FRMD4A: variants seen among roughly 807,000 people sequenced by gnomAD.
FRMD4A encodes the protein FERM domain-containing protein 4A.
Under a neutral mutation model 129.1 loss-of-function variants are expected in FRMD4A, and 29 were observed. The observed-to-expected ratio is 0.22, with a 90% CI of 0.17 to 0.31. The LOEUF is 0.31. Ranked by LOEUF, FRMD4A falls within the 10% of genes least tolerant of loss-of-function variation. The pLI, the probability that FRMD4A is intolerant of heterozygous loss-of-function variation, is 1.00. For missense variants in FRMD4A, 1,272 were observed against 1,375.8 expected, an observed-to-expected ratio of 0.92 and a Z score of 1.19; for synonymous variants, 634 against 571.6, an observed-to-expected ratio of 1.11 and a Z score of -1.56.
At chr10:13,934,915 G>T (rs1565069211) in intron 2 of FRMD4A, among the ~76,000 whole-genome samples, 2 of 152,138 alleles carry the variant, frequency 1.3e-5, no homozygotes, top group African/African-American at 4.8e-5. Context: ...AGATCAAGGT[G>T]CTGGTAGCTT....
intron 2 of FRMD4A, among the ~76,000 whole-genome samples, chr10:14,027,358 C>A (rs572234453): frequency 6.6e-6 from 1 of 152,096 alleles, no homozygotes; most frequent in Non-Finnish European, 1.5e-5. Flanking sequence ...ACAGTCAATG[C>A]GGCCGGGCAT....
chr10:13,868,957 A>C (rs969478764), intron 2 of FRMD4A, among the ~76,000 whole-genome samples: 1 of 152,208 alleles, frequency 6.6e-6, no homozygotes, highest in Non-Finnish European at 1.5e-5. Flanking sequence ...GGAAATAGCA[A>C]TGCATTCTTC....
At chr10:14,098,729 C>T (rs1004143492) in intron 2 of FRMD4A, among the ~76,000 whole-genome samples, 1 of 152,126 alleles carries the variant, frequency 6.6e-6, no homozygotes, top group Non-Finnish European at 1.5e-5. Flanking sequence ...CTCAAGAACC[C>T]CCCAATCTAG....
chr10:14,289,396 A>C (rs1845781363), intron 2 of FRMD4A, among the ~76,000 whole-genome samples: 1 of 152,144 alleles, frequency 6.6e-6, no homozygotes, highest in Admixed American at 6.5e-5. Context: ...GCACATTTTC[A>C]TATGCCTGTT....
intron 3 of FRMD4A, among the ~76,000 whole-genome samples, chr10:13,835,018 G>A (rs1223353719): frequency 6.6e-6 from 1 of 152,220 alleles, no homozygotes; most frequent in Non-Finnish European, 1.5e-5. Context: ...TAAGACCCAA[G>A]AGTGAGGCTG....
chr10:13,690,305 A>G (rs2134811732), intron 15 of FRMD4A, among the ~76,000 whole-genome samples: 1 of 152,314 alleles, frequency 6.6e-6, no homozygotes, highest in East Asian at 1.9e-4. Flanking sequence ...AGATTTCCCC[A>G]TTGCAAGGGA....
At chr10:14,275,496 G>T (rs1035389476) in intron 2 of FRMD4A, among the ~76,000 whole-genome samples, 2 of 152,190 alleles carry the variant, frequency 1.3e-5, no homozygotes, top group Non-Finnish European at 2.9e-5. Flanking sequence ...TTAAGGCTAG[G>T]CACAAATGTT....
intron 17 of FRMD4A, among the ~76,000 whole-genome samples, chr10:13,669,854 A>G (rs1388611799): frequency 6.6e-6 from 1 of 152,152 alleles, no homozygotes; most frequent in Non-Finnish European, 1.5e-5. Context: ...CAAAGGATGG[A>G]CGTAGCTTCT....
At chr10:13,789,307 C>T (rs781215522) in intron 5 of FRMD4A, among the ~76,000 whole-genome samples, 5 of 152,112 alleles carry the variant, frequency 3.3e-5, no homozygotes, top group East Asian at 3.9e-4. Flanking sequence ...ACCAAGAATC[C>T]GGCCTGTGGA....
In FRMD4A at chr10:13,788,075, G is replaced by C. The variant is rs551668883; in HGVS notation, c.300-5069C>G. On this transcript the variant is annotated intron_variant, in intron 5 of 24. Transcript: ENST00000357447. ...TCAGAGGGTCTGCATGGACAGTTCC[G>C]AGTCTGGCTGTGTATTGACCATGGC... Among the ~76,000 whole-genome samples the C allele has an allele frequency of 5.3e-4, 81 of 152,242 alleles. 1 individual carries two copies. The highest frequency in any genetic ancestry group is 1.9e-3 in the African/African-American group (80 of 41,554).
chr10:14,162,478 A>G (rs923401313), intron 2 of FRMD4A, among the ~76,000 whole-genome samples: 1 of 152,226 alleles, frequency 6.6e-6, no homozygotes, highest in Non-Finnish European at 1.5e-5. Context: ...GTCACATATG[A>G]GGAATGAACG....
At chr10:13,928,618 A>G (rs2095161066) in intron 2 of FRMD4A, among the ~76,000 whole-genome samples, 1 of 152,190 alleles carries the variant, frequency 6.6e-6, no homozygotes, top group Non-Finnish European at 1.5e-5. Flanking sequence ...AATGGAGATC[A>G]TATATTCTCC....
intron 2 of FRMD4A, among the ~76,000 whole-genome samples, chr10:14,190,939 G>A (rs539589752): frequency 5.3e-5 from 8 of 152,320 alleles, no homozygotes; most frequent in African/African-American, 1.9e-4. Flanking sequence ...GAGGAAGTTA[G>A]TGTGAAACAT....
At chr10:13,672,686 TC>T (rs1403670255) in intron 16 of FRMD4A, among the ~76,000 whole-genome samples, 8 of 151,784 alleles carry the variant, frequency 5.3e-5, no homozygotes, top group African/African-American at 1.7e-4. Flanking sequence ...GCTTGGTGCC[TC>T]CCTATATCCT....
chr10:13,754,567 C>CGT (rs56304219), intron 8 of FRMD4A, among the ~76,000 whole-genome samples: 2,199 of 147,976 alleles, frequency 0.015, 27 homozygotes, highest in African/African-American at 0.017. Context: ...ACAATTCTTT[C>CGT]GTGTGTGTGT....
rs188620346 is a variant in FRMD4A, at chr10:13,704,631, C to T, written c.836+2406G>A. On this transcript the variant is annotated intron_variant, in intron 13 of 24. Transcript: ENST00000357447. The stretch of plus-strand genomic sequence containing the variant: ...GTCCTTCACCCTTCATGGCCCACGA[C>T]GTCTGGCCCTTCTGTACAGTATAGA... Among the ~76,000 whole-genome samples the T allele has an allele frequency of 1.6e-3, 239 of 152,286 alleles. 2 individuals carry two copies. The highest frequency in any genetic ancestry group is 8.4e-3 in the Admixed American group (129 of 15,298).
intron 2 of FRMD4A, among the ~76,000 whole-genome samples, chr10:13,867,712 CATATAATATAATA>C (rs2094387840): frequency 8.6e-4 from 3 of 3,498 alleles, no homozygotes; most frequent in African/African-American, 1.2e-3. Flanking sequence ...TAATAAATAA[CATATAATATAATA>C]TATAATAAAT....
chr10:13,738,066 TTGTTTCTTAACAGA>T, intron 11 of FRMD4A, 136 bp from the exon 12 acceptor site: 2 of 643,128 alleles, frequency 3.1e-6, no homozygotes, highest in Non-Finnish European at 5.6e-6. Flanking sequence ...CCTGTCTACT[TTGTTTCTTAACAGA>T]TGCGTCTGTC....
At chr10:14,158,369 G>C (rs1589098004) in intron 2 of FRMD4A, among the ~76,000 whole-genome samples, 1 of 152,144 alleles carries the variant, frequency 6.6e-6, no homozygotes, top group East Asian at 1.9e-4. Context: ...TCAGTGCTTT[G>C]GGAGGCCGAG....
Sources: gnomAD v4.1 joint callset for allele counts (sites outside exome capture counted in the v4.1 genomes callset) on GRCh38, gnomAD v4.1.1 for gene constraint, MANE v1.5 for transcripts, NCBI Gene and HGNC (gene_info 2026-07-23, HGNC 2026-07-21) for gene names.